KLHL1: variants seen among roughly 807,000 people sequenced by gnomAD.
KLHL1 encodes kelch like family member 1.
KLHL1 carries 47 observed loss-of-function variants against 77.7 expected under a neutral mutation model. That is an observed-to-expected ratio of 0.60 (90% CI 0.48 to 0.77). KLHL1 has a LOEUF of 0.77. Among genes scored for constraint, KLHL1 ranks in the 30% least tolerant of loss-of-function variants. The probability of loss-of-function intolerance (pLI) is 0.00; values close to 1 mark genes in which losing one functional copy is unlikely to be tolerated. For missense variants in KLHL1, 925 were observed against 910.8 expected (o/e 1.02, Z -0.20); for synonymous variants, 360 against 325.2 (o/e 1.11, Z -1.15).
chr13:70,064,973 T>C (rs1375540575), intron 1 of KLHL1, among the ~76,000 whole-genome samples: 3 of 152,164 alleles, frequency 2.0e-5, no homozygotes, highest in Non-Finnish European at 4.4e-5. Context: ...TTCAGATTAT[T>C]ATTTAATTAT....
intron 1 of KLHL1, among the ~76,000 whole-genome samples, chr13:70,095,889 C>G (rs1211239148): frequency 6.6e-6 from 1 of 151,884 alleles, no homozygotes; most frequent in Non-Finnish European, 1.5e-5. Context: ...ATTATACACT[C>G]TATCTCCATG....
intron 1 of KLHL1, among the ~76,000 whole-genome samples, chr13:70,085,443 G>A (rs1030281294): frequency 2.0e-5 from 3 of 152,102 alleles, no homozygotes; most frequent in African/African-American, 7.2e-5. Flanking sequence ...AAACATGTAA[G>A]TCAAAGAAAA....
At chr13:69,881,275 A>G (rs1405775746) in intron 5 of KLHL1, among the ~76,000 whole-genome samples, 2 of 152,088 alleles carry the variant, frequency 1.3e-5, no homozygotes, top group African/African-American at 4.8e-5. Flanking sequence ...TTCTTAATAT[A>G]TGACCATAAA....
intron 1 of KLHL1, among the ~76,000 whole-genome samples, chr13:69,984,822 G>T (rs1445401225): frequency 1.3e-5 from 2 of 152,024 alleles, no homozygotes; most frequent in Non-Finnish European, 2.9e-5. Flanking sequence ...AAAAACTTCT[G>T]TGCAGGCTGG....
At chr13:69,964,628 A>G (rs1884160650) in intron 2 of KLHL1, among the ~76,000 whole-genome samples, 1 of 152,120 alleles carries the variant, frequency 6.6e-6, no homozygotes, top group Non-Finnish European at 1.5e-5. Context: ...ATATGGTTCA[A>G]CAACTGAGAA....
At chr13:70,042,340 A>T (rs897188780) in intron 1 of KLHL1, among the ~76,000 whole-genome samples, 3 of 152,024 alleles carry the variant, frequency 2.0e-5, no homozygotes, top group African/African-American at 7.2e-5. Flanking sequence ...AGGCTTTAGT[A>T]ATAATTAACT....
chr13:70,055,762 A>G (rs79751975), intron 1 of KLHL1, among the ~76,000 whole-genome samples: 1,883 of 152,212 alleles, frequency 0.012, 39 homozygotes, highest in African/African-American at 0.042. Flanking sequence ...AAAATGGAGT[A>G]TAATATTTTG....
At chr13:69,916,338 C>T (rs1334993019) in intron 4 of KLHL1, among the ~76,000 whole-genome samples, 1 of 150,674 alleles carries the variant, frequency 6.6e-6, no homozygotes, top group African/African-American at 2.4e-5. Flanking sequence ...TTGGAACCAA[C>T]CCAAATGTCC....
intron 8 of KLHL1, among the ~76,000 whole-genome samples, chr13:69,731,242 T>C (rs1873531878): frequency 6.6e-6 from 1 of 152,022 alleles, no homozygotes; most frequent in Admixed American, 6.6e-5. Context: ...GGAATAAAAA[T>C]TGTATTTGAG....
At chr13:70,014,298 C>G (rs995226282) in intron 1 of KLHL1, among the ~76,000 whole-genome samples, 2 of 151,818 alleles carry the variant, frequency 1.3e-5, no homozygotes, top group Non-Finnish European at 1.5e-5. Flanking sequence ...GTAAGAAAAG[C>G]GAATAATGAT....
intron 4 of KLHL1, among the ~76,000 whole-genome samples, chr13:69,932,161 A>T (rs1347790892): frequency 6.6e-6 from 1 of 151,848 alleles, no homozygotes; most frequent in Non-Finnish European, 1.5e-5. Context: ...TATGGCTGTG[A>T]ACTGGACAGC....
intron 5 of KLHL1, among the ~76,000 whole-genome samples, chr13:69,877,468 T>C (rs1367202854): frequency 6.7e-6 from 1 of 150,166 alleles, no homozygotes; most frequent in Non-Finnish European, 1.5e-5. Flanking sequence ...AAACTATATA[T>C]ATATATTTTT....
At chr13:70,089,637 T>C (rs574984068) in intron 1 of KLHL1, among the ~76,000 whole-genome samples, 1 of 152,186 alleles carries the variant, frequency 6.6e-6, no homozygotes, top group South Asian at 2.1e-4. Context: ...TATAATTCTA[T>C]CAATTTAAAC....
At chr13:69,854,671 C>T (rs1879818282) in intron 5 of KLHL1, among the ~76,000 whole-genome samples, 1 of 152,008 alleles carries the variant, frequency 6.6e-6, no homozygotes, top group Admixed American at 6.6e-5. Context: ...GTAAATGCTG[C>T]TTATTAATTA....
chr13:69,953,152 T>C (rs1002908514), intron 3 of KLHL1, among the ~76,000 whole-genome samples: 1 of 151,238 alleles, frequency 6.6e-6, no homozygotes, highest in Non-Finnish European at 1.5e-5. Context: ...TATAATAAAA[T>C]AAAATTAGAC....
intron 6 of KLHL1, among the ~76,000 whole-genome samples, chr13:69,810,767 AAC>A (rs1429528716): frequency 1.3e-5 from 2 of 152,092 alleles, no homozygotes; most frequent in Non-Finnish European, 1.5e-5. Flanking sequence ...GATCCAATCA[AAC>A]ACAGTCAGAA....
intron 4 of KLHL1, among the ~76,000 whole-genome samples, chr13:69,922,303 G>T (rs1882667753): frequency 6.6e-6 from 1 of 152,074 alleles, no homozygotes; most frequent in South Asian, 2.1e-4. Context: ...AGGAGGAAAA[G>T]ATAAGGCATA....
At chr13:70,001,188 T>C (rs1157131684) in intron 1 of KLHL1, among the ~76,000 whole-genome samples, 1 of 151,024 alleles carries the variant, frequency 6.6e-6, no homozygotes, top group Non-Finnish European at 1.5e-5. Flanking sequence ...TGGCAAATTT[T>C]CTAAGAAAAT....
At position 70,084,622 on chromosome 13, in the gene KLHL1, C is replaced by CTTTTTTTTTTT. The variant is rs71116988; in HGVS notation, c.497+22570_497+22580dup. 9.1e-3 allele frequency among the ~76,000 whole-genome samples: 136 copies of CTTTTTTTTTTT among 14,942 alleles called. 25 individuals carry two copies. The highest frequency in any genetic ancestry group is 0.012 in the African/African-American group (36 of 2,898). 9.8% of individuals were successfully genotyped at this position (14,942 alleles called of 152,430 possible). A position where few individuals can be genotyped will look rare whatever the true frequency, so the allele number is the denominator to read the frequency against. ...TACAGGCACCTGCCACCACGCCAGG[C>CTTTTTTTTTTT]TTTTTTTTTTTTTTTTTTTTTTTTT... On this transcript the variant is annotated intron_variant, in intron 1 of 10. Transcript: ENST00000377844.
Sources: gnomAD v4.1 joint callset for allele counts (sites outside exome capture counted in the v4.1 genomes callset) on GRCh38, gnomAD v4.1.1 for gene constraint, MANE v1.5 for transcripts, NCBI Gene and HGNC (gene_info 2026-07-23, HGNC 2026-07-21) for gene names.